PTPRT: variants seen among roughly 807,000 people sequenced by gnomAD.
PTPRT encodes the protein receptor-type tyrosine-protein phosphatase T.
PTPRT carries 56 observed loss-of-function variants against 176.8 expected under a neutral mutation model. That is an observed-to-expected ratio of 0.32 (90% CI 0.26 to 0.40). The LOEUF (loss-of-function observed/expected upper bound fraction) is 0.40. Among genes scored for constraint, PTPRT ranks in the 10% least tolerant of loss-of-function variants. The probability of loss-of-function intolerance (pLI) is 1.00; values close to 1 mark genes in which losing one functional copy is unlikely to be tolerated. For synonymous variants in PTPRT, 783 were observed against 739.0 expected (o/e 1.06, Z -0.96); for missense variants, 1,540 against 1,908.2 (o/e 0.81, Z 3.60).
intron 9 of PTPRT, among the ~76,000 whole-genome samples, chr20:42,436,661 A>G (rs2059264650): frequency 6.6e-6 from 1 of 152,214 alleles, no homozygotes; most frequent in Non-Finnish European, 1.5e-5. Flanking sequence ...TTACCATCTG[A>G]CCTAGTTTCT....
At chr20:42,826,246 C>A (rs75633514) in intron 2 of PTPRT, among the ~76,000 whole-genome samples, 2,451 of 152,256 alleles carry the variant, frequency 0.016, 71 homozygotes, top group African/African-American at 0.057. Flanking sequence ...ACATACTTCC[C>A]ATGCCTTCAT....
intron 6 of PTPRT, among the ~76,000 whole-genome samples, chr20:42,718,934 G>A (rs867274370): frequency 2.1e-4 from 32 of 152,346 alleles, no homozygotes; most frequent in African/African-American, 7.7e-4. Flanking sequence ...ACTAGTGATG[G>A]TAGGAAAGAT....
chr20:42,419,798 T>G (rs2059100900), intron 9 of PTPRT, among the ~76,000 whole-genome samples: 1 of 152,128 alleles, frequency 6.6e-6, no homozygotes, highest in Admixed American at 6.6e-5. Flanking sequence ...ATAATCAAGT[T>G]AAGATGAGGT....
chr20:43,096,683 G>A (rs957132002), intron 1 of PTPRT, among the ~76,000 whole-genome samples: 1 of 152,212 alleles, frequency 6.6e-6, no homozygotes, highest in Admixed American at 6.5e-5. Flanking sequence ...GCACTGAGAA[G>A]GCCAGACAAT....
chr20:42,418,209 G>A (rs1568861628), intron 9 of PTPRT, among the ~76,000 whole-genome samples: 2 of 151,788 alleles, frequency 1.3e-5, no homozygotes, highest in South Asian at 4.2e-4. Context: ...TAAATTACAT[G>A]GTCAAATGAT....
At chr20:42,798,284 T>C (rs1232867262) in intron 2 of PTPRT, among the ~76,000 whole-genome samples, 2 of 152,174 alleles carry the variant, frequency 1.3e-5, no homozygotes, top group African/African-American at 2.4e-5. Flanking sequence ...TTAAACAGGA[T>C]CTAATTTAAA....
intron 13 of PTPRT, among the ~76,000 whole-genome samples, chr20:42,278,915 T>G (rs1201666042): frequency 6.6e-6 from 1 of 152,200 alleles, no homozygotes; most frequent in South Asian, 2.1e-4. Context: ...ATCTTCAACC[T>G]GCTACCTATG....
At chr20:43,030,571 C>T (rs962486843) in intron 1 of PTPRT, among the ~76,000 whole-genome samples, 1 of 151,546 alleles carries the variant, frequency 6.6e-6, no homozygotes, top group Admixed American at 6.6e-5. Context: ...GAGGATGGAA[C>T]TTAGGATGGA....
At chr20:42,857,174 A>T (rs974930726) in intron 2 of PTPRT, among the ~76,000 whole-genome samples, 1 of 152,196 alleles carries the variant, frequency 6.6e-6, no homozygotes, top group African/African-American at 2.4e-5. Flanking sequence ...ACTCTGAAAA[A>T]GTCATTTTAT....
At chr20:42,223,691 G>C (rs2055938783) in intron 15 of PTPRT, among the ~76,000 whole-genome samples, 1 of 152,028 alleles carries the variant, frequency 6.6e-6, no homozygotes, top group Non-Finnish European at 1.5e-5. Context: ...GCAAAGATAA[G>C]AAAAAATAAT....
rs535136422 is a variant in PTPRT at position 42,527,206 on chromosome 20, G to T, written c.1154-54644C>A. On this transcript the variant is annotated intron_variant, in intron 7 of 30. Transcript: ENST00000373187. ...TCTCTATCTCCTGACCTCGTGATCC[G>T]CCTGCCTCGGCCTCCCAAAGTGCTG... is the stretch of plus-strand genomic sequence containing the variant. Among the ~76,000 whole-genome samples, 240 of 151,858 alleles carry T rather than the reference G, an allele frequency of 1.6e-3. 1 individual carries two copies. The highest frequency in any genetic ancestry group is 2.8e-3 in the Non-Finnish European group (187 of 67,910).
chr20:42,270,223 G>C (rs1454001680), intron 13 of PTPRT, among the ~76,000 whole-genome samples: 1 of 150,188 alleles, frequency 6.7e-6, no homozygotes, highest in Non-Finnish European at 1.5e-5. Context: ...TGCATAGAGG[G>C]ATGGAGGGAT....
chr20:43,036,242 G>A (rs545567808), intron 1 of PTPRT, among the ~76,000 whole-genome samples: 122 of 152,274 alleles, frequency 8.0e-4, no homozygotes, highest in African/African-American at 2.9e-3. Context: ...GTATCCTGGT[G>A]TCTCACTGTG....
chr20:42,357,324 T>G (rs2058371473), intron 9 of PTPRT, among the ~76,000 whole-genome samples: 2 of 152,216 alleles, frequency 1.3e-5, no homozygotes. Flanking sequence ...TTTCTGGCCT[T>G]TCATAGAAAA....
intron 19 of PTPRT, among the ~76,000 whole-genome samples, chr20:42,123,596 C>T (rs1309851477): frequency 6.6e-6 from 1 of 152,186 alleles, no homozygotes; most frequent in Non-Finnish European, 1.5e-5. Flanking sequence ...ATTTCTATTT[C>T]ATCCTTTCAG....
At chr20:42,395,907 C>A (rs1225654824) in intron 9 of PTPRT, among the ~76,000 whole-genome samples, 1 of 152,134 alleles carries the variant, frequency 6.6e-6, no homozygotes, top group Non-Finnish European at 1.5e-5. Flanking sequence ...GGTCCCAAAG[C>A]TTAGCACTAG....
intron 7 of PTPRT, among the ~76,000 whole-genome samples, chr20:42,652,998 C>A (rs2075059322): frequency 6.6e-6 from 1 of 152,156 alleles, no homozygotes; most frequent in South Asian, 2.1e-4. Flanking sequence ...GGGAACCCAG[C>A]AGATAAATAA....
intron 9 of PTPRT, among the ~76,000 whole-genome samples, chr20:42,373,729 A>G (rs1405009903): frequency 6.6e-6 from 1 of 152,190 alleles, no homozygotes; most frequent in African/African-American, 2.4e-5. Flanking sequence ...CAGGGAGGAG[A>G]GGAAAGCTGT....
chr20:42,036,795 T>C, the PTPRT span, among the ~76,000 whole-genome samples: 5,827 of 152,248 alleles, frequency 0.038, 180 homozygotes, highest in Middle Eastern at 0.068. Context: ...AGTACTCAGC[T>C]TGTGACAAGG....
Sources: gnomAD v4.1 joint callset for allele counts (sites outside exome capture counted in the v4.1 genomes callset) on GRCh38, gnomAD v4.1.1 for gene constraint, MANE v1.5 for transcripts, NCBI Gene and HGNC (gene_info 2026-07-23, HGNC 2026-07-21) for gene names.